The following NEK1 variants were observed in gnomAD, a reference collection of about 807,000 sequenced individuals.
NEK1 encodes serine/threonine-protein kinase Nek1.
A neutral mutation model predicts 182.1 loss-of-function variants in NEK1; 137 were observed. The observed-to-expected ratio is 0.75, with a 90% CI of 0.65 to 0.87. The LOEUF (loss-of-function observed/expected upper bound fraction) is 0.87, where lower values mean the gene tolerates loss of function less well. NEK1 is among the 40% of genes least tolerant of loss of function. The probability of loss-of-function intolerance (pLI) is 0.00; values close to 1 mark genes in which losing one functional copy is unlikely to be tolerated. For missense variants in NEK1, 1,391 were observed against 1,494.4 expected (o/e 0.93, Z 1.14); for synonymous variants, 513 against 492.2 (o/e 1.04, Z -0.56).
intron 31 of NEK1, among the ~76,000 whole-genome samples, chr4:169,413,225 C>T (rs538213082): frequency 4.0e-5 from 6 of 151,124 alleles, no homozygotes; most frequent in African/African-American, 9.7e-5. Flanking sequence ...TGGAGCGTGA[C>T]GGCATGAACA....
At chr4:169,488,902 T>G (rs1749541762) in intron 23 of NEK1, among the ~76,000 whole-genome samples, 1 of 152,182 alleles carries the variant, frequency 6.6e-6, no homozygotes, top group Non-Finnish European at 1.5e-5. Context: ...ATACTTACAT[T>G]ATGGATACTA....
At chr4:169,515,426 C>T (rs533746674) in intron 19 of NEK1, among the ~76,000 whole-genome samples, 1 of 151,868 alleles carries the variant, frequency 6.6e-6, no homozygotes, top group African/African-American at 2.4e-5. Context: ...CTTCTTTCAG[C>T]TCTATTAGTT....
Position 169,477,207 on chromosome 4 carries a change from T to A in NEK1, c.2351A>T (p.Asp784Val). ...EHEKEKSVSS[D>V]RKKWEAGGQL... is the part of the protein sequence containing the mutation. Reference sequence around the variant, plus strand: ...ACCTCCTGCCTCCCACTTCTTGCGATCAGATGAAACTGATTTTTCTTTTTC... The same window carrying A: ...ACCTCCTGCCTCCCACTTCTTGCGAACAGATGAAACTGATTTTTCTTTTTC... Residue 784 changes from aspartate (D) to valine (V), a missense_variant, in exon 26 of 36, where the codon GAT (aspartate) becomes GTT (valine). This residue lies in a region of NEK1 where 1,216 missense variants were observed against 1,277.6 expected (regional missense o/e 0.95). Coordinates refer to ENST00000507142, the MANE Select transcript of NEK1 (RefSeq NM_001199397.3). 6.2e-7 allele frequency: 1 copy of A among 1,607,870 alleles called. No homozygotes were observed. Among genetic ancestry groups the A allele is most frequent in the Non-Finnish European group, 8.5e-7 (1 of 1,176,730 alleles).
At chr4:169,548,075 C>T (rs1475025678) in intron 18 of NEK1, among the ~76,000 whole-genome samples, 2 of 152,166 alleles carry the variant, frequency 1.3e-5, no homozygotes, top group African/African-American at 2.4e-5. Context: ...AATTTTCAGC[C>T]TTTTTGCGCT....
At position 169,401,724 on chromosome 4, in the gene NEK1, T is replaced by C; in HGVS notation, c.3511A>G (p.Asn1171Asp). ...TCTTCATCTGCCACATCTGTCCCAT[T>C]TGCAGTTGGCTCCACATCACTGTTC... ...LKNSDVEPTA[N>D]GTDVADEDDN... is the part of the protein sequence containing the mutation. Residue 1171 changes from asparagine to aspartate, a missense_variant, in exon 33 of 36, where the codon AAT becomes GAT. Transcript: ENST00000507142. 6.2e-7 allele frequency: 1 copy of C among 1,613,952 alleles called. No individual in the cohort carries two copies. Among genetic ancestry groups the C allele is most frequent in the South Asian group, 1.1e-5 (1 of 91,078 alleles).
At chr4:169,516,386 G>C (rs1179196760) in intron 19 of NEK1, among the ~76,000 whole-genome samples, 10 of 127,048 alleles carry the variant, frequency 7.9e-5, no homozygotes, top group Non-Finnish European at 1.6e-4. Context: ...TGAGTTCATT[G>C]TAGATTCTGG....
intron 19 of NEK1, among the ~76,000 whole-genome samples, chr4:169,529,908 G>A (rs763744507): frequency 2.0e-5 from 3 of 152,244 alleles, no homozygotes; most frequent in African/African-American, 7.2e-5. Flanking sequence ...ATGCTGATGA[G>A]GATGCAGAGC....
Position 169,403,174 on chromosome 4 carries a change from T to C in NEK1, c.3375-1314A>G, listed in dbSNP as rs192099264. Among the ~76,000 whole-genome samples the C allele has an allele frequency of 5.1e-3, 776 of 152,310 alleles. 3 individuals carry two copies. Among genetic ancestry groups the C allele is most frequent in the Non-Finnish European group, 7.1e-3 (482 of 68,016 alleles). ...GTACAAACGCCTACAATTTGACTTG[T>C]AGGAGCTATAGAAAAGCAAAGCATC... On this transcript the variant is annotated intron_variant, in intron 32 of 35. Transcript: ENST00000507142.
At position 169,507,727 on chromosome 4, in the gene NEK1, G is replaced by C. The variant is rs375433061; in HGVS notation, c.1899C>G (p.Ile633Met). The change falls in exon 22 of 36, where the codon ATC (isoleucine) becomes ATG (methionine). Residue 633 changes from isoleucine (I) to methionine (M), a missense_variant. By Grantham distance (10) the Ile-to-Met change is conservative. Transcript: ENST00000507142. ...SEEADMRRKK[I>M]ESLKAHANAR... is the part of the protein sequence containing the mutation. ...TTCTAGTCTATACCTTCAGTGATTC[G>C]ATTTTTTTGCGCCTCATGTCAGCCT... The C allele has an allele frequency of 3.7e-6, 6 of 1,612,094 alleles. No homozygotes were observed. Among genetic ancestry groups the C allele is most frequent in the Non-Finnish European group, 5.1e-6 (6 of 1,178,898 alleles).
intron 23 of NEK1, among the ~76,000 whole-genome samples, chr4:169,497,524 T>C (rs1171154032): frequency 6.6e-6 from 1 of 152,250 alleles, no homozygotes; most frequent in Admixed American, 6.5e-5. Flanking sequence ...TCTTTCCTGC[T>C]TTCTCTTGTG....
intron 23 of NEK1, among the ~76,000 whole-genome samples, chr4:169,504,187 A>G (rs1394586900): frequency 6.6e-6 from 1 of 152,176 alleles, no homozygotes; most frequent in Non-Finnish European, 1.5e-5. Context: ...ATCTCACCCC[A>G]GTCAAAACAG....
intron 23 of NEK1, among the ~76,000 whole-genome samples, chr4:169,484,871 AT>A (rs772068420): frequency 6.6e-6 from 1 of 152,344 alleles, no homozygotes; most frequent in East Asian, 1.9e-4. Context: ...TAGGGATTGC[AT>A]GAGATAATTT....
chr4:169,551,058 G>A (rs569789809), intron 18 of NEK1, among the ~76,000 whole-genome samples: 33 of 152,128 alleles, frequency 2.2e-4, no homozygotes, highest in Admixed American at 9.8e-4. Flanking sequence ...TTGCACAAGT[G>A]CCCAATTAAA....
At chr4:169,521,473 G>A (rs528090903) in intron 19 of NEK1, among the ~76,000 whole-genome samples, 3 of 151,722 alleles carry the variant, frequency 2.0e-5, no homozygotes, top group Non-Finnish European at 2.9e-5. Flanking sequence ...CTTCTGCGTC[G>A]CTCACGCTGG....
chr4:169,477,521 G>A (rs760434252), intron 24 of NEK1, 24 bp from the exon 25 acceptor site: 115 of 1,528,966 alleles, frequency 7.5e-5, no homozygotes, highest in Non-Finnish European at 1.0e-4. Context: ...TAGATACAGA[G>A]GAAGAGATAA....
At chr4:169,603,706 A>ATTTTTTT (rs398064265) in intron 2 of NEK1, among the ~76,000 whole-genome samples, 1 of 129,706 alleles carries the variant, frequency 7.7e-6, no homozygotes, top group African/African-American at 2.9e-5. Flanking sequence ...TTTATTGAAC[A>ATTTTTTT]TTTTTTTTTT....
At chr4:169,430,638 T>C (rs867591510) in intron 29 of NEK1, among the ~76,000 whole-genome samples, 3 of 152,146 alleles carry the variant, frequency 2.0e-5, no homozygotes, top group Non-Finnish European at 2.9e-5. Context: ...GCACAGAGGA[T>C]TGTACAGTAT....
At chr4:169,525,195 C>G (rs1380684711) in intron 19 of NEK1, among the ~76,000 whole-genome samples, 1 of 152,180 alleles carries the variant, frequency 6.6e-6, no homozygotes, top group African/African-American at 2.4e-5. Flanking sequence ...GTGGTGCGAT[C>G]TTGGCTCACT....
intron 5 of NEK1, among the ~76,000 whole-genome samples, chr4:169,591,885 T>C (rs7661340): frequency 0.089 from 13,552 of 152,102 alleles, 791 homozygotes; most frequent in African/African-American, 0.16. Context: ...AAATGATAGA[T>C]TGCTAGTTCT....
Sources: allele counts gnomAD v4.1 joint callset (sites outside exome capture counted in the v4.1 genomes callset), GRCh38; gene constraint gnomAD v4.1.1; regional missense constraint gnomAD v4.1.1; transcripts MANE v1.5; gene names NCBI Gene and HGNC (gene_info 2026-07-23, HGNC 2026-07-21).